SLAMF6: variants seen among roughly 807,000 people sequenced by gnomAD.
SLAMF6 encodes the protein SLAM family member 6.
A neutral mutation model predicts 38.3 loss-of-function variants in SLAMF6; 21 were observed. The ratio of observed to expected loss-of-function variants is 0.55; its 90% CI spans 0.39 to 0.79. The LOEUF (loss-of-function observed/expected upper bound fraction) is 0.79. Ranked by LOEUF, SLAMF6 falls within the 30% of genes least tolerant of loss-of-function variation. The pLI is 0.00. For synonymous variants in SLAMF6, 152 were observed against 146.3 expected (o/e 1.04, Z -0.28); for missense variants, 341 against 385.3 (o/e 0.89, Z 0.96).
rs1160116455 is a variant in SLAMF6 at position 160,490,668 on chromosome 1, T to C, written c.664A>G (p.Thr222Ala). 4 of 1,613,026 alleles carry C rather than the reference T, an allele frequency of 2.5e-6. No individual in the cohort carries two copies. The highest frequency in any genetic ancestry group is 3.4e-6 in the Non-Finnish European group (4 of 1,179,696). The change falls in exon 4 of 8, where the codon ACA (threonine) becomes GCA (alanine). Residue 222 changes from threonine to alanine, a missense_variant. Physicochemically the swap from Thr to Ala is moderately conservative, Grantham distance 58. Transcript: ENST00000368057. ...ATAAACAGAATCATTTTGGTATCTGTATATTGAATTTTAACATCTGAAAAG... is the reference window on the plus strand; with the variant it reads ...ATAAACAGAATCATTTTGGTATCTGCATATTGAATTTTAACATCTGAAAAG... ...KLCEDVKIQY[T>A]DTKMILFMVS...
chr1:160,496,101 C>G lies in SLAMF6; in HGVS notation c.342G>C (p.Lys114Asn), dbSNP rs987267695. The G allele has an allele frequency of 6.2e-7, 1 of 1,613,880 alleles. No individual in the cohort carries two copies. The highest frequency in any genetic ancestry group is 8.5e-7 in the Non-Finnish European group (1 of 1,179,870). ...TGTAACTGGACAGCTTTGCAGAGGT[C>G]TTTGTGGATATCTGGGCTCTGTAAG... ...TGSYRAQISTKTSAKLSSYTL... is the reference protein window; with the variant it reads ...TGSYRAQISTNTSAKLSSYTL... The change falls in exon 2 of 8, where the codon AAG becomes AAC. Residue 114 changes from lysine (K) to asparagine (N), a missense_variant. Physicochemically the swap from Lys to Asn is moderately conservative, Grantham distance 94 (BLOSUM62 0). Transcript: ENST00000368057.
Position 160,485,529 on chromosome 1 carries a change from G to A in SLAMF6, c.*1178C>T, listed in dbSNP as rs1221246989. 6.6e-6 allele frequency: 1 copy of A among 152,232 alleles called. No individual in the cohort carries two copies. Among genetic ancestry groups the A allele is most frequent in the Non-Finnish European group, 1.5e-5 (1 of 68,074 alleles). The allele number at this position is 152,232 out of a possible 1,614,324, so 9.4% of individuals were successfully genotyped here. A position where few individuals can be genotyped will look rare whatever the true frequency, so the allele number is the denominator to read the frequency against. ...ATAGAGGAGCTGAAAGAAGATCAGGGAGGCTACATAGAGAGTGTCAGAAGG... is the reference window on the plus strand; with the variant it reads ...ATAGAGGAGCTGAAAGAAGATCAGGAAGGCTACATAGAGAGTGTCAGAAGG... On this transcript the variant is annotated 3_prime_UTR_variant, in exon 8 of 8. Coordinates refer to ENST00000368057, the MANE Select transcript of SLAMF6 (RefSeq NM_001184714.2).
At chr1:160,490,800 T>C in intron 3 of SLAMF6, 115 bp from the exon 4 acceptor site, 1 of 1,465,874 alleles carries the variant, frequency 6.8e-7, no homozygotes, top group South Asian at 1.5e-5. Context: ...AGTTTGTCTA[T>C]AGCCGGAGGC....
chr1:160,486,474 C>A lies in SLAMF6; in HGVS notation c.*233G>T, dbSNP rs963599012. The stretch of plus-strand genomic sequence containing the variant: ...GTGTGTTATCTTTAGCATGTTTTGG[C>A]CTGAAGTGGATTGGAAAATATTATT... On this transcript the variant is annotated 3_prime_UTR_variant, in exon 8 of 8. Coordinates refer to ENST00000368057, the MANE Select transcript of SLAMF6 (RefSeq NM_001184714.2). The A allele has an allele frequency of 1.4e-5, 7 of 490,248 alleles. No individual in the cohort carries two copies. Among genetic ancestry groups the A allele is most frequent in the Non-Finnish European group, 2.6e-5 (7 of 271,848 alleles). 30.4% of individuals were successfully genotyped at this position (490,248 alleles called of 1,614,324 possible). A position where few individuals can be genotyped will look rare whatever the true frequency, so the allele number is the denominator to read the frequency against.
rs759747541 is a variant in SLAMF6, at chr1:160,486,344, C to G, written c.*363G>C. 2.2e-4 allele frequency: 51 copies of G among 233,738 alleles called. No homozygotes were observed. Among genetic ancestry groups the G allele is most frequent in the Admixed American group, 1.4e-3 (27 of 19,190 alleles). 14.5% of individuals were successfully genotyped at this position (233,738 alleles called of 1,614,324 possible). A position where few individuals can be genotyped will look rare whatever the true frequency, so the allele number is the denominator to read the frequency against. On this transcript the variant is annotated 3_prime_UTR_variant, in exon 8 of 8. Coordinates refer to ENST00000368057, the MANE Select transcript of SLAMF6 (RefSeq NM_001184714.2). ...CTGCATTATTTCTCAATAAGTCAAT[C>G]CTGCTGCTTTCTAAAAGGAGAGAAG...
chr1:160,496,204 G>A lies in SLAMF6; in HGVS notation c.239C>T (p.Pro80Leu), dbSNP rs771240749. ...TKSPEIHVTN[P>L]KQGKRLNFTQ... The stretch of plus-strand genomic sequence containing the variant: ...GAAGTTCAGTCGCTTTCCCTGTTTC[G>A]GATTAGTCACGTGGATTTCTGGACT... Residue 80 changes from proline (P) to leucine (L), a missense_variant, in exon 2 of 8, where the codon CCG (proline) becomes CTG (leucine). Physicochemically the swap from Pro to Leu is moderately conservative, Grantham distance 98. Coordinates refer to ENST00000368057, the MANE Select transcript of SLAMF6 (RefSeq NM_001184714.2). 5 of 1,613,824 alleles carry A rather than the reference G, an allele frequency of 3.1e-6. No homozygotes were observed. Among genetic ancestry groups the A allele is most frequent in the African/African-American group, 1.3e-5 (1 of 74,966 alleles).
intron 1 of SLAMF6, among the ~76,000 whole-genome samples, chr1:160,517,986 A>G (rs565092504): frequency 6.6e-6 from 1 of 152,230 alleles, no homozygotes; most frequent in African/African-American, 2.4e-5. Flanking sequence ...ACCTGCACAT[A>G]CTGCACATGT....
At chr1:160,518,668 G>C (rs1654854589) in intron 1 of SLAMF6, among the ~76,000 whole-genome samples, 1 of 152,064 alleles carries the variant, frequency 6.6e-6, no homozygotes, top group Non-Finnish European at 1.5e-5. Flanking sequence ...AACTAATGCA[G>C]GAACAGAAAG....
intron 1 of SLAMF6, among the ~76,000 whole-genome samples, chr1:160,503,566 G>A (rs12048891): frequency 6.6e-6 from 1 of 152,048 alleles, no homozygotes; most frequent in African/African-American, 2.4e-5. Context: ...GCATCAAAGG[G>A]GAGAGGGATT....
chr1:160,502,566 T>C (rs1462498976), intron 1 of SLAMF6, among the ~76,000 whole-genome samples: 1 of 152,104 alleles, frequency 6.6e-6, no homozygotes, highest in Non-Finnish European at 1.5e-5. Context: ...AATAGAGAAG[T>C]TTTTAAGGGT....
At chr1:160,509,266 A>G (rs1654347426) in intron 1 of SLAMF6, among the ~76,000 whole-genome samples, 1 of 152,262 alleles carries the variant, frequency 6.6e-6, no homozygotes, top group Non-Finnish European at 1.5e-5. Flanking sequence ...AATGTCCAAC[A>G]ATGATAGACT....
chr1:160,517,147 C>T (rs930321855), intron 1 of SLAMF6, among the ~76,000 whole-genome samples: 2 of 152,002 alleles, frequency 1.3e-5, no homozygotes, highest in Non-Finnish European at 2.9e-5. Context: ...CTACAAGGAA[C>T]TCAAACAAAT....
chr1:160,515,237 AT>A (rs1654680099), intron 1 of SLAMF6, among the ~76,000 whole-genome samples: 1 of 152,246 alleles, frequency 6.6e-6, no homozygotes. Flanking sequence ...AAACACCTCT[AT>A]GCACATAACC....
chr1:160,494,442 T>C lies in SLAMF6; in HGVS notation c.382+1619A>G, dbSNP rs372957040. On this transcript the variant is annotated intron_variant, in intron 2 of 7. Transcript: ENST00000368057. Reference sequence around the variant, plus strand: ...CCTACACTGCCTTGATAATTACTGGTCACCCAGGGTGATTCTGCCTGTAGT... The same window carrying C: ...CCTACACTGCCTTGATAATTACTGGCCACCCAGGGTGATTCTGCCTGTAGT... Among the ~76,000 whole-genome samples, 7 of 152,288 alleles carry C rather than the reference T, an allele frequency of 4.6e-5. No individual in the cohort carries two copies. In the South Asian group the frequency reaches 1.5e-3, roughly 32 times the overall value.
intron 6 of SLAMF6, among the ~76,000 whole-genome samples, chr1:160,488,586 C>T (rs1396102501): frequency 1.3e-5 from 2 of 152,082 alleles, no homozygotes; most frequent in Admixed American, 6.6e-5. Context: ...AGGGGTGAAC[C>T]ATTGCTCATG....
At chr1:160,509,771 T>A (rs1654380763) in intron 1 of SLAMF6, among the ~76,000 whole-genome samples, 1 of 151,894 alleles carries the variant, frequency 6.6e-6, no homozygotes, top group Non-Finnish European at 1.5e-5. Context: ...ATAAATAACA[T>A]AGAGAATAGA....
chr1:160,515,632 C>T lies in SLAMF6; in HGVS notation c.49+7512G>A, dbSNP rs151294174. ...TAAAATACTGGCAAACCAAATATAGCGGCACATCAAAAAGCTTATCCACCC... is the reference window on the plus strand; with the variant it reads ...TAAAATACTGGCAAACCAAATATAGTGGCACATCAAAAAGCTTATCCACCC... On this transcript the variant is annotated intron_variant, in intron 1 of 7. Coordinates refer to ENST00000368057, the MANE Select transcript of SLAMF6 (RefSeq NM_001184714.2). Among the ~76,000 whole-genome samples, 44 of 152,062 alleles carry T rather than the reference C, an allele frequency of 2.9e-4. No homozygotes were observed. The East Asian group carries it at 5.0e-3, about 17-fold the overall frequency.
chr1:160,508,640 A>C (rs1308438763), intron 1 of SLAMF6, among the ~76,000 whole-genome samples: 1 of 152,244 alleles, frequency 6.6e-6, no homozygotes, highest in Non-Finnish European at 1.5e-5. Context: ...AATGGCAACA[A>C]AAGCCAAAAT....
intron 1 of SLAMF6, among the ~76,000 whole-genome samples, chr1:160,514,012 T>A (rs186086322): frequency 6.6e-6 from 1 of 152,300 alleles, no homozygotes; most frequent in African/African-American, 2.4e-5. Flanking sequence ...AATTCACACA[T>A]AACAATACTA....
Sources: gnomAD v4.1 joint callset for allele counts (sites outside exome capture counted in the v4.1 genomes callset) on GRCh38, gnomAD v4.1.1 for gene constraint, MANE v1.5 for transcripts, NCBI Gene and HGNC (gene_info 2026-07-23, HGNC 2026-07-21) for gene names.